The following GOLT1A variants were observed in gnomAD, a reference collection of about 807,000 sequenced individuals.
GOLT1A encodes golgi transport 1A, also known as vesicle transport protein GOT1A.
GOLT1A carries 10 observed loss-of-function variants against 16.1 expected under a neutral mutation model. The observed-to-expected ratio is 0.62, with a 90% CI of 0.38 to 1.05. The LOEUF (loss-of-function observed/expected upper bound fraction) is 1.05, where lower values mean the gene tolerates loss of function less well. Among genes scored for constraint, GOLT1A ranks in the 50% least tolerant of loss-of-function variants. The probability of loss-of-function intolerance (pLI) is 0.01; values close to 1 mark genes in which losing one functional copy is unlikely to be tolerated. For synonymous variants in GOLT1A, 60 were observed against 67.9 expected (o/e 0.88, Z 0.57); for missense variants, 137 against 165.7 (o/e 0.83, Z 0.95).
chr1:204,201,852 C>T (rs1658968759), intron 2 of GOLT1A, 41 bp from the exon 3 acceptor site: 1 of 1,594,594 alleles, frequency 6.3e-7, no homozygotes. Context: ...ACCCACCAGC[C>T]CCCTGAGGAG....
Position 204,202,923 on chromosome 1 carries a change from A to G in GOLT1A, c.90T>C (p.Phe30=). ...TTCCAAAGGCCAGGAGCACGGAATC[A>G]AAGTACAGGAGTGTTCCAAAGAGGA... is the stretch of plus-strand genomic sequence containing the variant. ...FFILFGTLLY[F]DSVLLAFGNL... Residue 30 remains phenylalanine, a synonymous_variant, in exon 2 of 5, where the codon TTT becomes TTC. Transcript: ENST00000308302. The G allele has an allele frequency of 2.5e-6, 4 of 1,614,156 alleles. No individual in the cohort carries two copies. The highest frequency in any genetic ancestry group is 2.5e-6 in the Non-Finnish European group (3 of 1,180,002).
At chr1:204,208,344 A>G in intron 1 of GOLT1A, among the ~76,000 whole-genome samples, 1 of 142,720 alleles carries the variant, frequency 7.0e-6, no homozygotes, top group Non-Finnish European at 1.5e-5. Context: ...ATACATATAT[A>G]CACACATGTA....
At chr1:204,202,815 T>C in intron 2 of GOLT1A, 81 bp downstream of exon 2, 2 of 975,344 alleles carry the variant, frequency 2.1e-6, no homozygotes, top group Non-Finnish European at 3.3e-6. Flanking sequence ...CTGTAAGTCT[T>C]TATTGCCAGG....
At chr1:204,206,455 T>G (rs568772681) in intron 1 of GOLT1A, among the ~76,000 whole-genome samples, 90 of 152,388 alleles carry the variant, frequency 5.9e-4, no homozygotes, top group African/African-American at 2.0e-3. Context: ...GACAACACAT[T>G]GAGAATCTAG....
At chr1:204,206,190 A>G (rs964210659) in intron 1 of GOLT1A, among the ~76,000 whole-genome samples, 2 of 152,208 alleles carry the variant, frequency 1.3e-5, no homozygotes, top group African/African-American at 4.8e-5. Context: ...CTTTTGGCAG[A>G]AGCTGGATTT....
intron 1 of GOLT1A, among the ~76,000 whole-genome samples, chr1:204,208,506 A>T (rs1207696058): frequency 0.017 from 408 of 24,596 alleles, no homozygotes; most frequent in Non-Finnish European, 0.025. Flanking sequence ...ATATATAAAA[A>T]ATGAACTACT....
intron 1 of GOLT1A, among the ~76,000 whole-genome samples, chr1:204,210,550 G>A (rs919237604): frequency 2.6e-5 from 4 of 152,208 alleles, no homozygotes; most frequent in Non-Finnish European, 5.9e-5. Flanking sequence ...AGTCTCCTGA[G>A]TAGCTGGGAC....
chr1:204,213,814 GGAGA>G (rs1659175025), intron 1 of GOLT1A, 64 bp downstream of exon 1: 2 of 1,561,864 alleles, frequency 1.3e-6, no homozygotes, highest in Admixed American at 3.4e-5. Flanking sequence ...AGCCCAGCTG[GGAGA>G]GAGAGCCAGC....
chr1:204,207,583 C>T (rs1659061568), intron 1 of GOLT1A, among the ~76,000 whole-genome samples: 1 of 152,186 alleles, frequency 6.6e-6, no homozygotes, highest in Non-Finnish European at 1.5e-5. Context: ...TTTCTTGCTC[C>T]AGAAATCAGC....
chr1:204,213,211 T>C (rs1238190412), intron 1 of GOLT1A, among the ~76,000 whole-genome samples: 1 of 152,028 alleles, frequency 6.6e-6, no homozygotes, highest in African/African-American at 2.4e-5. Flanking sequence ...AAGCAGGGAG[T>C]CAGTTTCATT....
intron 2 of GOLT1A, among the ~76,000 whole-genome samples, chr1:204,202,432 C>G (rs986360259): frequency 6.6e-6 from 1 of 152,004 alleles, no homozygotes; most frequent in African/African-American, 2.4e-5. Flanking sequence ...CCTCCACACC[C>G]ATTTCCTTTC....
chr1:204,200,720 C>T (rs1179556125), intron 3 of GOLT1A, among the ~76,000 whole-genome samples: 1 of 152,124 alleles, frequency 6.6e-6, no homozygotes, highest in African/African-American at 2.4e-5. Flanking sequence ...GAGGCCTAGG[C>T]CATTCAGGCT....
rs541767139 is a variant in GOLT1A, at chr1:204,205,336, C to G, written c.26-2349G>C. On this transcript the variant is annotated intron_variant, in intron 1 of 4. Coordinates refer to ENST00000308302, the MANE Select transcript of GOLT1A (RefSeq NM_198447.2). ...TTGATCTGCTTTGAGTTACTTTTTGCAGATAGTATAAGGTAAGGATCCACC... is the reference window on the plus strand; with the variant it reads ...TTGATCTGCTTTGAGTTACTTTTTGGAGATAGTATAAGGTAAGGATCCACC... Among the ~76,000 whole-genome samples the G allele has an allele frequency of 3.3e-5, 5 of 152,200 alleles. No individual in the cohort carries two copies. In the South Asian group the frequency reaches 1.0e-3, roughly 32 times the overall value.
chr1:204,210,643 G>C (rs1659124384), intron 1 of GOLT1A, among the ~76,000 whole-genome samples: 1 of 152,024 alleles, frequency 6.6e-6, no homozygotes, highest in Non-Finnish European at 1.5e-5. Flanking sequence ...GTTTTGCAAT[G>C]TGCTCAGGCT....
chr1:204,199,369 G>C, intron 3 of GOLT1A, 111 bp from the exon 4 acceptor site: 1 of 813,570 alleles, frequency 1.2e-6, no homozygotes, highest in Non-Finnish European at 2.1e-6. Flanking sequence ...CACACACCAG[G>C]GACAGGCTTG....
intron 4 of GOLT1A, chr1:204,198,979 A>T: frequency 1.7e-6 from 1 of 575,766 alleles, no homozygotes; most frequent in Non-Finnish European, 3.1e-6. Context: ...ACTCAGCTAC[A>T]ACTGCGTCTG....
At chr1:204,205,806 A>G (rs1025428546) in intron 1 of GOLT1A, among the ~76,000 whole-genome samples, 1 of 152,228 alleles carries the variant, frequency 6.6e-6, no homozygotes, top group African/African-American at 2.4e-5. Context: ...TCAATGGCTC[A>G]CACCTGTAAT....
chr1:204,200,399 C>T (rs994157153), intron 3 of GOLT1A, among the ~76,000 whole-genome samples: 35 of 148,976 alleles, frequency 2.3e-4, no homozygotes, highest in Non-Finnish European at 4.4e-4. Context: ...TCTTGTCTCA[C>T]TGCAACCTTC....
chr1:204,203,049 C>T, intron 1 of GOLT1A, 62 bp from the exon 2 acceptor site: 2 of 1,328,862 alleles, frequency 1.5e-6, no homozygotes, highest in African/African-American at 1.5e-5. Flanking sequence ...GACCCTGAAA[C>T]TTCCCCCATT....
Sources: allele counts gnomAD v4.1 joint callset (sites outside exome capture counted in the v4.1 genomes callset), GRCh38; gene constraint gnomAD v4.1.1; transcripts MANE v1.5; gene names NCBI Gene and HGNC (gene_info 2026-07-23, HGNC 2026-07-21).